The following TAFA2 variants were observed in gnomAD, a reference collection of about 807,000 sequenced individuals.
TAFA2 encodes the protein chemokine-like protein TAFA-2.
Under a neutral mutation model 18.8 loss-of-function variants are expected in TAFA2, and 7 were observed. That is an observed-to-expected ratio of 0.37 (90% confidence interval 0.21 to 0.70). The LOEUF is 0.70. Ranked by LOEUF, TAFA2 falls within the 30% of genes least tolerant of loss-of-function variation. TAFA2 has a pLI of 0.53. For missense variants in TAFA2, 122 were observed against 158.1 expected, an observed-to-expected ratio of 0.77 and a Z score of 1.23; for synonymous variants, 60 against 54.2, an observed-to-expected ratio of 1.11 and a Z score of -0.47.
chr12:61,779,830 G>T (rs1015000051), intron 2 of TAFA2, among the ~76,000 whole-genome samples: 1 of 151,736 alleles, frequency 6.6e-6, no homozygotes, highest in East Asian at 2.0e-4. Context: ...TCACTCTCAG[G>T]AAGCAAAATT....
rs554814612 is a variant in TAFA2, at chr12:62,039,257, A to T, written c.-2+152002T>A. ...AACTCTATGCACCTTACACTAATTCACTATTTTATTTATTCTGAACCTGTC... is the reference window on the plus strand; with the variant it reads ...AACTCTATGCACCTTACACTAATTCTCTATTTTATTTATTCTGAACCTGTC... On this transcript the variant is annotated intron_variant, in intron 1 of 4. Transcript: ENST00000416284. Among the ~76,000 whole-genome samples, 3 of 152,228 alleles carry T rather than the reference A, an allele frequency of 2.0e-5. No homozygotes were observed. In the East Asian group the frequency reaches 5.8e-4, roughly 29 times the overall value.
chr12:61,897,203 G>T (rs1592468569), intron 1 of TAFA2, among the ~76,000 whole-genome samples: 1 of 152,254 alleles, frequency 6.6e-6, no homozygotes, highest in East Asian at 1.9e-4. Flanking sequence ...GAGTGGATGT[G>T]CAAATCCTTG....
intron 1 of TAFA2, among the ~76,000 whole-genome samples, chr12:61,994,067 A>G (rs1214172197): frequency 6.6e-6 from 1 of 152,168 alleles, no homozygotes; most frequent in East Asian, 1.9e-4. Flanking sequence ...AAGTAATACA[A>G]TTAGATATTC....
intron 2 of TAFA2, among the ~76,000 whole-genome samples, chr12:61,768,645 T>C (rs1458611331): frequency 1.3e-5 from 2 of 151,510 alleles, no homozygotes; most frequent in Non-Finnish European, 2.9e-5. Flanking sequence ...AATATAAGAG[T>C]AGAGGAAGCA....
chr12:61,864,900 A>G (rs1161075256), intron 2 of TAFA2, among the ~76,000 whole-genome samples: 2 of 151,982 alleles, frequency 1.3e-5, no homozygotes, highest in Non-Finnish European at 2.9e-5. Flanking sequence ...TTGAATGCTC[A>G]CCAAGGTGTT....
chr12:62,220,246 C>T (rs990252863), intron 1 of TAFA2, among the ~76,000 whole-genome samples: 5 of 151,964 alleles, frequency 3.3e-5, no homozygotes, highest in Admixed American at 2.6e-4. Flanking sequence ...TACAAAATTA[C>T]ACCCACTTAC....
intron 1 of TAFA2, among the ~76,000 whole-genome samples, chr12:62,123,560 A>G (rs1870308112): frequency 1.3e-5 from 2 of 152,100 alleles, no homozygotes; most frequent in African/African-American, 2.4e-5. Context: ...TGAAAATCAA[A>G]TGCTTCTCCT....
In TAFA2 at chr12:61,802,462, T is replaced by C. The variant is rs1436071398; in HGVS notation, c.107-47438A>G. On this transcript the variant is annotated intron_variant, in intron 2 of 4. Transcript: ENST00000416284. Reference sequence around the variant, plus strand: ...AGAAATTCTGTCATTCACAGGCACATGGATGAGCCTGGAAGACATGTTAAG... The same window carrying C: ...AGAAATTCTGTCATTCACAGGCACACGGATGAGCCTGGAAGACATGTTAAG... 2.6e-5 allele frequency among the ~76,000 whole-genome samples: 4 copies of C among 151,974 alleles called. No individual in the cohort carries two copies. The East Asian group carries it at 5.8e-4, about 22-fold the overall frequency.
chr12:61,732,983 G>A (rs1868249851), intron 4 of TAFA2, among the ~76,000 whole-genome samples: 1 of 151,952 alleles, frequency 6.6e-6, no homozygotes, highest in Admixed American at 6.6e-5. Context: ...AGCTGCTCTT[G>A]GGTTAATGAA....
intron 1 of TAFA2, among the ~76,000 whole-genome samples, chr12:61,950,572 G>T (rs1208851232): frequency 6.6e-6 from 1 of 152,076 alleles, no homozygotes; most frequent in Non-Finnish European, 1.5e-5. Flanking sequence ...TTAGAAAAAT[G>T]CCTATTCAGG....
rs899337663 is a variant in TAFA2, at chr12:61,919,620, C to A, written c.-1-52194G>T. Among the ~76,000 whole-genome samples the A allele has an allele frequency of 3.9e-5, 6 of 152,020 alleles. No individual in the cohort carries two copies. In the East Asian group the frequency reaches 9.6e-4, roughly 24 times the overall value. On this transcript the variant is annotated intron_variant, in intron 1 of 4. Coordinates refer to ENST00000416284, the MANE Select transcript of TAFA2 (RefSeq NM_178539.5). ...CACTCAGATCAACCATCAATACAAT[C>A]TTCCTGATCATTGTATTTTATTGTA... is the stretch of plus-strand genomic sequence containing the variant.
intron 4 of TAFA2, among the ~76,000 whole-genome samples, chr12:61,731,799 C>T (rs977351769): frequency 6.6e-6 from 1 of 152,062 alleles, no homozygotes; most frequent in Non-Finnish European, 1.5e-5. Context: ...TGCAGGGAAG[C>T]AGGAAGAAAT....
chr12:62,208,663 C>T (rs1007371071), intron 1 of TAFA2, among the ~76,000 whole-genome samples: 1 of 152,128 alleles, frequency 6.6e-6, no homozygotes, highest in Non-Finnish European at 1.5e-5. Context: ...AGAATAGTCT[C>T]AGAAGTACCG....
At chr12:61,982,280 G>A (rs1428119022) in intron 1 of TAFA2, among the ~76,000 whole-genome samples, 1 of 151,936 alleles carries the variant, frequency 6.6e-6, no homozygotes, top group Admixed American at 6.6e-5. Context: ...CACACACCAG[G>A]GCCTGTCGTG....
intron 1 of TAFA2, among the ~76,000 whole-genome samples, chr12:61,921,665 T>C (rs138290571): frequency 3.2e-4 from 48 of 152,250 alleles, no homozygotes; most frequent in African/African-American, 1.1e-3. Flanking sequence ...TTAGAATTGT[T>C]CAATAAAGTA....
chr12:62,063,356 A>G (rs1008854559), intron 1 of TAFA2, among the ~76,000 whole-genome samples: 4 of 152,204 alleles, frequency 2.6e-5, no homozygotes, highest in Non-Finnish European at 5.9e-5. Flanking sequence ...CTATATATCT[A>G]TCTACTCAGA....
chr12:62,254,619 G>A (rs1345263490), intron 1 of TAFA2, among the ~76,000 whole-genome samples: 2 of 152,094 alleles, frequency 1.3e-5, no homozygotes, highest in African/African-American at 4.8e-5. Flanking sequence ...ATACTGGCTA[G>A]AAACAAAAAT....
chr12:61,978,818 T>G (rs1051834978), intron 1 of TAFA2, among the ~76,000 whole-genome samples: 5 of 152,084 alleles, frequency 3.3e-5, no homozygotes, highest in Admixed American at 6.6e-5. Context: ...TTCAAGAAAC[T>G]GCAAGGATTG....
intron 2 of TAFA2, among the ~76,000 whole-genome samples, chr12:61,783,760 A>G (rs1870607732): frequency 6.6e-6 from 1 of 151,584 alleles, no homozygotes; most frequent in Admixed American, 6.6e-5. Context: ...AGAAAAAATC[A>G]ACAACTCTAC....
Sources: gnomAD v4.1 joint callset for allele counts (sites outside exome capture counted in the v4.1 genomes callset) on GRCh38, gnomAD v4.1.1 for gene constraint, MANE v1.5 for transcripts, NCBI Gene and HGNC (gene_info 2026-07-23, HGNC 2026-07-21) for gene names.